DGKD: variants seen among roughly 807,000 people sequenced by gnomAD.
The protein encoded by DGKD is diacylglycerol kinase delta.
DGKD carries 68 observed loss-of-function variants against 154.4 expected under a neutral mutation model. The observed-to-expected ratio is 0.44, with a 90% CI of 0.36 to 0.54. DGKD has a LOEUF of 0.54. Ranked by LOEUF, DGKD falls within the 20% of genes least tolerant of loss-of-function variation. DGKD has a pLI of 0.00. For synonymous variants in DGKD, 693 were observed against 638.0 expected, an observed-to-expected ratio of 1.09 and a Z score of -1.30; for missense variants, 1,343 against 1,593.6, an observed-to-expected ratio of 0.84 and a Z score of 2.68.
chr2:233,450,068 G>A lies in DGKD; in HGVS notation c.1975G>A (p.Val659Met), dbSNP rs764283254. 1.2e-6 allele frequency: 2 copies of A among 1,614,050 alleles called. No individual in the cohort carries two copies. The highest frequency in any genetic ancestry group is 2.2e-5 in the South Asian group (2 of 91,082). Reference sequence around the variant, plus strand: ...GTCAGAGGAGAAGATGGACCACAGAGTGTGCCCACCACTGTCCCACAGCGA... The same window carrying A: ...GTCAGAGGAGAAGATGGACCACAGAATGTGCCCACCACTGTCCCACAGCGA... ...SESEEKMDHR[V>M]CPPLSHSESF... The change falls in exon 16 of 30, where the codon GTG becomes ATG. Residue 659 changes from valine (V) to methionine (M), a missense_variant. Val to Met is a conservative substitution (Grantham distance 21). This residue lies in a region of DGKD where 409 missense variants were observed against 446.0 expected (regional missense o/e 0.92). Transcript: ENST00000264057.
At chr2:233,453,993 G>A (rs2063374978) in intron 18 of DGKD, among the ~76,000 whole-genome samples, 1 of 152,250 alleles carries the variant, frequency 6.6e-6, no homozygotes. Context: ...GTTGAAATGT[G>A]TGAGTTTCTG....
chr2:233,445,840 G>T lies in DGKD; in HGVS notation c.1334+78G>T. 1 of 1,470,422 alleles carries T rather than the reference G, an allele frequency of 6.8e-7. No homozygotes were observed. Among genetic ancestry groups the T allele is most frequent in the East Asian group, 2.5e-5 (1 of 40,524 alleles). 91.1% of individuals were successfully genotyped at this position (1,470,422 alleles called of 1,614,324 possible). A position where few individuals can be genotyped will look rare whatever the true frequency, so the allele number is the denominator to read the frequency against. On this transcript the variant is annotated intron_variant, in intron 11 of 29. Coordinates refer to ENST00000264057, the MANE Select transcript of DGKD (RefSeq NM_152879.3). This position sits in a 1 kb window ranked among gnomAD's most constrained non-coding sequence, Gnocchi z 5.5. ...CCTTTGACCAGGTGTTCTTAACCTG[G>T]GGTCTGTGGAAAACATGGGCCCTCT... is the stretch of plus-strand genomic sequence containing the variant.
chr2:233,462,739 A>G lies in DGKD; in HGVS notation c.3186+4A>G, dbSNP rs2063690624. ...GCTGTCTGGGAAGATGGCCCTGGTA[A>G]GCTGGTGCCCCAGGGACAGCAGGGC... On this transcript the variant is annotated splice_donor_region_variant and intron_variant, in intron 26 of 29. Coordinates refer to ENST00000264057, the MANE Select transcript of DGKD (RefSeq NM_152879.3). 2 of 1,612,508 alleles carry G rather than the reference A, an allele frequency of 1.2e-6. No individual in the cohort carries two copies. The highest frequency in any genetic ancestry group is 1.3e-5 in the African/African-American group (1 of 74,942).
chr2:233,388,233 A>G (rs1269400285), intron 1 of DGKD, 24 bp from the exon 2 acceptor site: 4 of 1,601,350 alleles, frequency 2.5e-6, no homozygotes, highest in African/African-American at 1.3e-5. Context: ...ACGCAAGTTT[A>G]TGAATATGTT....
At chr2:233,388,017 CT>C in intron 1 of DGKD, 1 of 795,656 alleles carries the variant, frequency 1.3e-6, no homozygotes, top group East Asian at 3.1e-5. Flanking sequence ...CACCCTGGGC[CT>C]CTTGACACCC....
intron 1 of DGKD, among the ~76,000 whole-genome samples, chr2:233,359,987 A>G (rs1167102145): frequency 6.6e-6 from 1 of 152,126 alleles, no homozygotes; most frequent in African/African-American, 2.4e-5. Context: ...CTGGAAGGTG[A>G]GTAGGGAGCA....
intron 3 of DGKD, among the ~76,000 whole-genome samples, chr2:233,428,178 G>A (rs1167069484): frequency 2.6e-5 from 4 of 152,216 alleles, no homozygotes; most frequent in Middle Eastern, 3.2e-3. Context: ...CTGCTGGTTG[G>A]TGTGGGGGCT....
In DGKD at chr2:233,394,690, CCT is replaced by C. The variant is rs1559498750; in HGVS notation, c.348+4208_348+4209del. ...TTCCTTATTATTTTGAATTTAATTCCCTTTTTTTTTTTTTTTTTTTTTTTTTT... is the reference window on the plus strand; with the variant it reads ...TTCCTTATTATTTTGAATTTAATTCCTTTTTTTTTTTTTTTTTTTTTTTTT... On this transcript the variant is annotated intron_variant, in intron 3 of 29. Coordinates refer to ENST00000264057, the MANE Select transcript of DGKD (RefSeq NM_152879.3). 4.3e-4 allele frequency among the ~76,000 whole-genome samples: 36 copies of C among 83,256 alleles called. 3 individuals carry two copies. Among genetic ancestry groups the C allele is most frequent in the African/African-American group, 8.8e-4 (20 of 22,696 alleles). 54.6% of individuals were successfully genotyped at this position (83,256 alleles called of 152,430 possible). A position where few individuals can be genotyped will look rare whatever the true frequency, so the allele number is the denominator to read the frequency against.
rs1369939641 is a variant in DGKD at position 233,438,745 on chromosome 2, GTCTATCTATCATCTA to G, written c.1085+377_1085+391del. Among the ~76,000 whole-genome samples the G allele has an allele frequency of 2.1e-3, 191 of 89,438 alleles. 1 individual carries two copies. Among genetic ancestry groups the G allele is most frequent in the African/African-American group, 0.01 (180 of 17,870 alleles). 58.7% of individuals were successfully genotyped at this position (89,438 alleles called of 152,430 possible). A position where few individuals can be genotyped will look rare whatever the true frequency, so the allele number is the denominator to read the frequency against. ...TCATTTTATAATTTTTTATTTATCTGTCTATCTATCATCTATCTATCTATCTATCTATCTATCTAT... is the reference window on the plus strand; with the variant it reads ...TCATTTTATAATTTTTTATTTATCTGTCTATCTATCTATCTATCTATCTAT... On this transcript the variant is annotated intron_variant, in intron 9 of 29. Transcript: ENST00000264057. This position sits in a 1 kb window ranked among gnomAD's most constrained non-coding sequence, Gnocchi z 4.1.
At chr2:233,378,098 C>CGTGG (rs982461021) in intron 1 of DGKD, among the ~76,000 whole-genome samples, 1 of 151,182 alleles carries the variant, frequency 6.6e-6, no homozygotes, top group African/African-American at 2.4e-5. Flanking sequence ...TGCACCACCA[C>CGTGG]GCCCAGCTAT....
chr2:233,382,849 C>T (rs1406193557), intron 1 of DGKD, among the ~76,000 whole-genome samples: 1 of 152,150 alleles, frequency 6.6e-6, no homozygotes, highest in Non-Finnish European at 1.5e-5. Flanking sequence ...ACTGTGCACA[C>T]GTGGACCCAC....
intron 3 of DGKD, among the ~76,000 whole-genome samples, chr2:233,401,919 C>CAAAAA (rs34388122): frequency 3.6e-5 from 2 of 54,800 alleles, no homozygotes; most frequent in Admixed American, 2.2e-4. Flanking sequence ...GACTCTGTCT[C>CAAAAA]AAAAAAAAAA....
At chr2:233,366,183 C>CTATT (rs1318978223) in intron 1 of DGKD, among the ~76,000 whole-genome samples, 3 of 152,248 alleles carry the variant, frequency 2.0e-5, no homozygotes, top group East Asian at 1.9e-4. Context: ...GGAGCTCTGC[C>CTATT]TATTTTCCCC....
rs747164359 is a variant in DGKD, at chr2:233,437,460, C to T, written c.903C>T (p.Leu301=). 1.2e-6 allele frequency: 2 copies of T among 1,614,196 alleles called. No homozygotes were observed. Among genetic ancestry groups the T allele is most frequent in the Non-Finnish European group, 1.7e-6 (2 of 1,180,012 alleles). Residue 301 remains leucine (L), a synonymous_variant, in exon 8 of 30, where the codon CTC becomes CTT. Transcript: ENST00000264057. Reference sequence around the variant, plus strand: ...TGTCAGTCATCCCACCCACGGCTCTCAACAGCATCGACTCCGATGGTGGGT... The same window carrying T: ...TGTCAGTCATCCCACCCACGGCTCTTAACAGCATCGACTCCGATGGTGGGT... The part of the protein sequence containing the change: ...CKVSVIPPTA[L]NSIDSDGFWK...
At chr2:233,450,243 C>G in intron 16 of DGKD, 112 bp downstream of exon 16, 1 of 1,350,576 alleles carries the variant, frequency 7.4e-7, no homozygotes, top group South Asian at 1.6e-5. Flanking sequence ...GCTTTGGCCA[C>G]TTGGTTACAT....
At chr2:233,359,880 G>T (rs1190694216) in intron 1 of DGKD, among the ~76,000 whole-genome samples, 1 of 152,166 alleles carries the variant, frequency 6.6e-6, no homozygotes, top group Non-Finnish European at 1.5e-5. Flanking sequence ...GTGCTGATGA[G>T]GAGAGGGCCA....
In DGKD at chr2:233,456,925, A is replaced by G; in HGVS notation, c.2402A>G (p.Tyr801Cys). 2 of 1,614,192 alleles carry G rather than the reference A, an allele frequency of 1.2e-6. No homozygotes were observed. The highest frequency in any genetic ancestry group is 1.7e-6 in the Non-Finnish European group (2 of 1,180,004). The change falls in exon 20 of 30, where the codon TAT (tyrosine) becomes TGT (cysteine). Residue 801 changes from tyrosine to cysteine, a missense_variant. Tyr to Cys is a radical substitution (Grantham distance 194, BLOSUM62 -2). Transcript: ENST00000264057. ...AGCCGAACCAAGAACATGATGTGGT[A>G]TGGAGTTCTTGGAACCAAAGAGTTG... Reference protein sequence around the residue: ...CRSRTKNMMWYGVLGTKELLH... With the variant: ...CRSRTKNMMWCGVLGTKELLH...
chr2:233,444,298 C>T (rs1481184551), intron 10 of DGKD, among the ~76,000 whole-genome samples: 2 of 152,120 alleles, frequency 1.3e-5, no homozygotes. Flanking sequence ...ATTGTGTCCT[C>T]AGTCCTGCCA....
In DGKD at chr2:233,468,616, C is replaced by T. The variant is rs1046785111; in HGVS notation, c.3555+63C>T. 32 of 1,602,070 alleles carry T rather than the reference C, an allele frequency of 2.0e-5. 1 individual carries two copies. In the Middle Eastern group the frequency reaches 1.0e-3, roughly 50 times the overall value. Reference sequence around the variant, plus strand: ...GCTTGCACGCAGCTCCCTTCTCTTCCATCCTCTCCCCCGACCTGGCCATGT... The same window carrying T: ...GCTTGCACGCAGCTCCCTTCTCTTCTATCCTCTCCCCCGACCTGGCCATGT... On this transcript the variant is annotated intron_variant, in intron 29 of 29. Transcript: ENST00000264057.
Sources: allele counts gnomAD v4.1 joint callset (sites outside exome capture counted in the v4.1 genomes callset), GRCh38; gene constraint gnomAD v4.1.1; regional missense constraint gnomAD v4.1.1; non-coding constraint Gnocchi (gnomAD v3.1); transcripts MANE v1.5; gene names NCBI Gene and HGNC (gene_info 2026-07-23, HGNC 2026-07-21).